VEGFA: variants seen among roughly 807,000 people sequenced by gnomAD.
VEGFA encodes the protein vascular endothelial growth factor A, also known as vascular endothelial growth factor A, long form.
VEGFA carries 20 observed loss-of-function variants against 49.7 expected under a neutral mutation model. That is an observed-to-expected ratio of 0.40 (90% CI 0.28 to 0.58). The LOEUF (loss-of-function observed/expected upper bound fraction) is 0.58. VEGFA is among the 20% of genes least tolerant of loss of function. The pLI, the probability that VEGFA is intolerant of heterozygous loss-of-function variation, is 0.40. For missense variants in VEGFA, 505 were observed against 553.5 expected, an observed-to-expected ratio of 0.91 and a Z score of 0.88; for synonymous variants, 219 against 223.4, an observed-to-expected ratio of 0.98 and a Z score of 0.18.
At position 43,784,727 on chromosome 6, in the gene VEGFA, ACT is replaced by A. The variant is rs1222127052; in HGVS notation, c.*168_*169del. The A allele has an allele frequency of 1.1e-5, 15 of 1,358,894 alleles. No homozygotes were observed. In the East Asian group the frequency reaches 1.7e-4, roughly 15 times the overall value. 84.2% of individuals were successfully genotyped at this position (1,358,894 alleles called of 1,614,324 possible). A position where few individuals can be genotyped will look rare whatever the true frequency, so the allele number is the denominator to read the frequency against. ...GAAACCTGAAATGAAGGAAGAGGAGACTCTGCGCAGAGCACTTTGGGTCCGGA... is the reference window on the plus strand; with the variant it reads ...GAAACCTGAAATGAAGGAAGAGGAGACTGCGCAGAGCACTTTGGGTCCGGA... On this transcript the variant is annotated 3_prime_UTR_variant, in exon 8 of 8. Transcript: ENST00000672860.
chr6:43,780,573 A>G (rs1347296039), intron 5 of VEGFA, 159 bp from the exon 6 acceptor site: 9 of 1,005,478 alleles, frequency 9.0e-6, no homozygotes, highest in Non-Finnish European at 1.3e-5. Context: ...GCGCCCGCGC[A>G]TGCCTCCCCA....
intron 5 of VEGFA, chr6:43,779,486 G>A: frequency 2.7e-6 from 1 of 370,214 alleles, no homozygotes; most frequent in South Asian, 2.3e-5. Flanking sequence ...TTAAGGGGCA[G>A]GTAGGATGGG....
chr6:43,780,223 G>C, intron 5 of VEGFA: 1 of 176,416 alleles, frequency 5.7e-6, no homozygotes, highest in Non-Finnish European at 1.2e-5. Flanking sequence ...AGTTGCAAAT[G>C]AAGGCACAAG....
chr6:43,771,065 C>T lies in VEGFA; in HGVS notation c.359C>T (p.Thr120Met), dbSNP rs752674861. The change falls in exon 1 of 8, where the codon ACG (threonine) becomes ATG (methionine). Residue 120 changes from threonine (T) to methionine (M), a missense_variant. Thr to Met is a moderately conservative substitution (Grantham distance 81). Around this residue, in one of 2 missense-constraint regions of VEGFA, gnomAD observed 340 missense variants for 321.8 expected, o/e 1.06. Transcript: ENST00000672860. Reference sequence around the variant, plus strand: ...GGCGCTCGGAAGCCGGGCTCATGGACGGGTGAGGCGGCGGTGTGCGCAGAC... The same window carrying T: ...GGCGCTCGGAAGCCGGGCTCATGGATGGGTGAGGCGGCGGTGTGCGCAGAC... The T allele has an allele frequency of 6.6e-6, 10 of 1,507,192 alleles. No individual in the cohort carries two copies. The highest frequency in any genetic ancestry group is 8.0e-6 in the Non-Finnish European group (9 of 1,128,302). The allele number at this position is 1,507,192 out of a possible 1,614,324, so 93.4% of individuals were successfully genotyped here. A position where few individuals can be genotyped will look rare whatever the true frequency, so the allele number is the denominator to read the frequency against.
chr6:43,777,614 TGAC>T lies in VEGFA; in HGVS notation c.807_809del (p.Asp269del), dbSNP rs1765855554. ...TGATGCGATGCGGGGGCTGCTGCAA[TGAC>T]GAGGGCCTGGAGTGTGTGCCCACTG... On this transcript the variant is annotated inframe_deletion, in exon 3 of 8. Coordinates refer to ENST00000672860, the MANE Select transcript of VEGFA (RefSeq NM_003376.6). This position sits in a 1 kb window ranked among gnomAD's most constrained non-coding sequence, Gnocchi z 4.3. 1 of 1,597,588 alleles carries T rather than the reference TGAC, an allele frequency of 6.3e-7. No homozygotes were observed. The highest frequency in any genetic ancestry group is 8.5e-7 in the Non-Finnish European group (1 of 1,170,994).
intron 6 of VEGFA, 141 bp from the exon 7 acceptor site, chr6:43,781,815 C>T (rs960041088): frequency 2.6e-6 from 3 of 1,137,040 alleles, no homozygotes; most frequent in East Asian, 2.6e-5. Context: ...CTGTAGCGCT[C>T]GGATCCTTCC....
intron 3 of VEGFA, 132 bp from the exon 4 acceptor site, chr6:43,778,328 C>T (rs1766148923): frequency 6.4e-6 from 5 of 781,036 alleles, no homozygotes; most frequent in East Asian, 2.7e-5. Flanking sequence ...GCTCTTGGTC[C>T]TCCCTGCCTC....
intron 7 of VEGFA, chr6:43,783,331 C>G (rs1157069696): frequency 6.6e-6 from 1 of 152,332 alleles, no homozygotes; most frequent in Non-Finnish European, 1.5e-5. Context: ...GTCTCCCCTC[C>G]CCCAGCAATG....
intron 6 of VEGFA, 90 bp from the exon 7 acceptor site, chr6:43,781,866 G>T: frequency 6.5e-7 from 1 of 1,548,628 alleles, no homozygotes; most frequent in East Asian, 2.3e-5. Context: ...GTGCAGCTGC[G>T]GACATGTTAG....
Position 43,781,020 on chromosome 6 carries a change from G to A in VEGFA, c.1034+217G>A, listed in dbSNP as rs973782192. The stretch of plus-strand genomic sequence containing the variant: ...TGCTGGTCCAGGGTTGGGGTGAATG[G>A]GGGTGCCGACTTGGCCTGGAGGATT... On this transcript the variant is annotated intron_variant, in intron 6 of 7. Transcript: ENST00000672860. The A allele has an allele frequency of 3.3e-6, 4 of 1,212,202 alleles. No homozygotes were observed. The African/African-American group carries it at 6.0e-5, about 18-fold the overall frequency. The allele number at this position is 1,212,202 out of a possible 1,614,324, so 75.1% of individuals were successfully genotyped here.
intron 1 of VEGFA, chr6:43,771,926 G>T: frequency 5.3e-6 from 4 of 761,720 alleles, no homozygotes; most frequent in Non-Finnish European, 6.4e-6. Context: ...CTCGCGTCCC[G>T]CTCGGTGCCC....
At chr6:43,774,273 C>G (rs1764575068) in intron 1 of VEGFA, 68 bp from the exon 2 acceptor site, 2 of 1,539,832 alleles carry the variant, frequency 1.3e-6, no homozygotes, top group Non-Finnish European at 9.0e-7. Context: ...GGAGGAGGGG[C>G]TGGGTGGCTG....
rs751447901 is a variant in VEGFA at position 43,771,255 on chromosome 6, T to C, written c.549T>C (p.Phe183=). The C allele has an allele frequency of 2.2e-5, 35 of 1,607,358 alleles. No individual in the cohort carries two copies. Among genetic ancestry groups the C allele is most frequent in the Admixed American group, 2.2e-4 (13 of 59,792 alleles). Residue 183 remains phenylalanine (F), a synonymous_variant, in exon 1 of 8, where the codon TTT becomes TTC. Coordinates refer to ENST00000672860, the MANE Select transcript of VEGFA (RefSeq NM_003376.6). The stretch of plus-strand genomic sequence containing the variant: ...GTCGGGCCTCCGAAACCATGAACTT[T>C]CTGCTGTCTTGGGTGCATTGGAGCC...
Position 43,785,387 on chromosome 6 carries a change from G to A in VEGFA, c.*825G>A, listed in dbSNP as rs912091383. 6 of 217,984 alleles carry A rather than the reference G, an allele frequency of 2.8e-5. No individual in the cohort carries two copies. The highest frequency in any genetic ancestry group is 1.9e-4 in the South Asian group (1 of 5,400). The allele number at this position is 217,984 out of a possible 1,614,324, so 13.5% of individuals were successfully genotyped here. A position where few individuals can be genotyped will look rare whatever the true frequency, so the allele number is the denominator to read the frequency against. The stretch of plus-strand genomic sequence containing the variant: ...GGGATTCCCTCCACATGCTGCACGC[G>A]CATCTCGCCCCCAGGGGCACTGCCT... On this transcript the variant is annotated 3_prime_UTR_variant, in exon 8 of 8. Coordinates refer to ENST00000672860, the MANE Select transcript of VEGFA (RefSeq NM_003376.6).
chr6:43,779,427 A>G, intron 5 of VEGFA: 1 of 336,472 alleles, frequency 3.0e-6, no homozygotes, highest in Non-Finnish European at 5.8e-6. Flanking sequence ...TTGGCCAGGG[A>G]GAAAAAGTTG....
In VEGFA at chr6:43,785,274, C is replaced by T. The variant is rs771331791; in HGVS notation, c.*712C>T. 1.3e-4 allele frequency: 27 copies of T among 204,832 alleles called. No individual in the cohort carries two copies. The highest frequency in any genetic ancestry group is 1.9e-4 in the Non-Finnish European group (19 of 99,698). The allele number at this position is 204,832 out of a possible 1,614,324, so 12.7% of individuals were successfully genotyped here. The stretch of plus-strand genomic sequence containing the variant: ...CTGAGCCTCTCTACCCCAGGTCAGA[C>T]GGACAGAAAGACAGATCACAGGTAC... On this transcript the variant is annotated 3_prime_UTR_variant, in exon 8 of 8. Coordinates refer to ENST00000672860, the MANE Select transcript of VEGFA (RefSeq NM_003376.6).
rs1769010899 is a variant in VEGFA, at chr6:43,784,377, C to T, written c.1167-164C>T. On this transcript the variant is annotated intron_variant, in intron 7 of 7. Transcript: ENST00000672860. ...GGGCAGGGCTGGGGCTGTTCTCATACTGGGGCTTTCTGCCCCAGGACCACA... is the reference window on the plus strand; with the variant it reads ...GGGCAGGGCTGGGGCTGTTCTCATATTGGGGCTTTCTGCCCCAGGACCACA... 1.5e-5 allele frequency: 11 copies of T among 753,766 alleles called. No individual in the cohort carries two copies. The East Asian group carries it at 2.8e-4, about 20-fold the overall frequency. 46.7% of individuals were successfully genotyped at this position (753,766 alleles called of 1,614,324 possible).
intron 1 of VEGFA, among the ~76,000 whole-genome samples, chr6:43,772,904 C>A (rs1764085633): frequency 6.6e-6 from 1 of 152,180 alleles, no homozygotes; most frequent in African/African-American, 2.4e-5. Flanking sequence ...GAGAAGGACA[C>A]CTGGCCCCTG....
chr6:43,781,905 T>G, intron 6 of VEGFA, 51 bp from the exon 7 acceptor site: 1 of 1,609,658 alleles, frequency 6.2e-7, no homozygotes, highest in Non-Finnish European at 8.5e-7. Context: ...TTTTTTTCTC[T>G]CTCTCTGCTG....
Sources: allele counts gnomAD v4.1 joint callset (sites outside exome capture counted in the v4.1 genomes callset), GRCh38; gene constraint gnomAD v4.1.1; regional missense constraint gnomAD v4.1.1; non-coding constraint Gnocchi (gnomAD v3.1); transcripts MANE v1.5; gene names NCBI Gene and HGNC (gene_info 2026-07-23, HGNC 2026-07-21).